SNX24: variants seen among roughly 807,000 people sequenced by gnomAD.
The protein encoded by SNX24 is sorting nexin 24, also known as sorting nexin-24.
A neutral mutation model predicts 28.7 loss-of-function variants in SNX24; 22 were observed. That is an observed-to-expected ratio of 0.77 (90% CI 0.55 to 1.10). SNX24 has a LOEUF of 1.10. Among genes scored for constraint, SNX24 ranks in the 50% least tolerant of loss-of-function variants. The pLI is 0.00. For synonymous variants in SNX24, 69 were observed against 71.5 expected, an observed-to-expected ratio of 0.96 and a Z score of 0.18; for missense variants, 221 against 201.1, an observed-to-expected ratio of 1.10 and a Z score of -0.60.
rs766791836 is a variant in SNX24, at chr5:123,008,868, C to G, written c.*1119C>G. ...TAAAGGATAAAAGCATATATACTAC[C>G]TATATGTATGTGCTGTATGTGGGCA... On this transcript the variant is annotated 3_prime_UTR_variant, in exon 7 of 7. Transcript: ENST00000261369. 7.7e-5 allele frequency: 76 copies of G among 981,270 alleles called. No individual in the cohort carries two copies. Among genetic ancestry groups the G allele is most frequent in the Admixed American group, 1.2e-4 (2 of 16,272 alleles). 60.8% of individuals were successfully genotyped at this position (981,270 alleles called of 1,614,324 possible).
At chr5:122,922,959 C>T (rs1340872867) in intron 1 of SNX24, among the ~76,000 whole-genome samples, 4 of 152,120 alleles carry the variant, frequency 2.6e-5, no homozygotes, top group Non-Finnish European at 5.9e-5. Flanking sequence ...CACATTTTTA[C>T]AGTGCAACTA....
chr5:122,944,909 T>G (rs929942347), intron 2 of SNX24, among the ~76,000 whole-genome samples: 7 of 152,170 alleles, frequency 4.6e-5, no homozygotes, highest in African/African-American at 1.7e-4. Context: ...TTTTTTCAAG[T>G]TTTTAATTAG....
intron 3 of SNX24, among the ~76,000 whole-genome samples, chr5:122,998,870 T>TTCC (rs1256591938): frequency 7.9e-5 from 12 of 152,240 alleles, no homozygotes; most frequent in Non-Finnish European, 1.8e-4. Flanking sequence ...TTACACAGTA[T>TTCC]TCCTGATCAG....
At chr5:122,935,389 C>T (rs564626448) in intron 1 of SNX24, among the ~76,000 whole-genome samples, 5 of 151,698 alleles carry the variant, frequency 3.3e-5, no homozygotes, top group Admixed American at 1.3e-4. Flanking sequence ...TAAAAAAAAT[C>T]TAAGAATATC....
chr5:122,904,121 CT>C (rs1439201021), intron 1 of SNX24, among the ~76,000 whole-genome samples: 1 of 151,796 alleles, frequency 6.6e-6, no homozygotes, highest in South Asian at 2.1e-4. Flanking sequence ...GCAAGAGAAG[CT>C]TGAGAATGAT....
chr5:122,871,157 T>C (rs1040169409), intron 1 of SNX24, among the ~76,000 whole-genome samples: 3 of 152,170 alleles, frequency 2.0e-5, no homozygotes, highest in African/African-American at 7.2e-5. Context: ...CCAGCACATA[T>C]TATTAATAAG....
chr5:122,883,631 G>A (rs1756572353), intron 1 of SNX24, among the ~76,000 whole-genome samples: 1 of 152,010 alleles, frequency 6.6e-6, no homozygotes, highest in Non-Finnish European at 1.5e-5. Context: ...ATTACTCAGG[G>A]TTGTCACATT....
intron 1 of SNX24, among the ~76,000 whole-genome samples, chr5:122,935,538 G>C (rs30046): frequency 0.77 from 117,185 of 152,138 alleles, 46,005 homozygotes; most frequent in East Asian, 0.99. Context: ...TTACCACTTA[G>C]TAAAAAGAGG....
chr5:122,963,128 G>A (rs1419734064), intron 3 of SNX24, among the ~76,000 whole-genome samples: 2 of 152,194 alleles, frequency 1.3e-5, no homozygotes, highest in African/African-American at 4.8e-5. Context: ...CAGCTACTCA[G>A]GAGGCTGAGG....
At chr5:123,001,558 A>G (rs961211271) in intron 5 of SNX24, 121 bp downstream of exon 5, 1 of 745,094 alleles carries the variant, frequency 1.3e-6, no homozygotes, top group African/African-American at 1.8e-5. Flanking sequence ...TGGTTTTAAG[A>G]TTATAAATAT....
intron 1 of SNX24, among the ~76,000 whole-genome samples, chr5:122,885,991 G>A (rs891345468): frequency 1.8e-5 from 1 of 57,106 alleles, no homozygotes; most frequent in Non-Finnish European, 2.7e-5. Context: ...CCGACCTGCT[G>A]TGTGGCTGGT....
At chr5:123,012,728 C>T (rs1361464998), downstream of SNX24, among the ~76,000 whole-genome samples, 3 of 152,196 alleles carry the variant, frequency 2.0e-5, no homozygotes, top group African/African-American at 7.2e-5. Flanking sequence ...TAAGGCTGTA[C>T]TGATCAGGTA....
intron 1 of SNX24, among the ~76,000 whole-genome samples, chr5:122,885,939 G>A (rs1170564580): frequency 3.3e-5 from 5 of 152,100 alleles, no homozygotes; most frequent in Non-Finnish European, 7.3e-5. Flanking sequence ...ACAGTTCACA[G>A]TAGGGTTCAT....
At chr5:122,859,262 G>C (rs981738652) in intron 1 of SNX24, among the ~76,000 whole-genome samples, 1 of 151,572 alleles carries the variant, frequency 6.6e-6, no homozygotes, top group Non-Finnish European at 1.5e-5. Context: ...CTTGAGCCCA[G>C]GAGTTGGAGA....
Position 122,877,529 on chromosome 5 carries a change from G to A in SNX24, c.60+31836G>A, listed in dbSNP as rs565779636. 3.6e-3 allele frequency among the ~76,000 whole-genome samples: 545 copies of A among 152,170 alleles called. 4 individuals are homozygous for A. Among genetic ancestry groups the A allele is most frequent in the African/African-American group, 0.012 (504 of 41,524 alleles). ...GGGCTTTAGAAAACTGTAGTTGGTA[G>A]CTGAAATAAAAAGATAAATAAAAAA... is the stretch of plus-strand genomic sequence containing the variant. On this transcript the variant is annotated intron_variant, in intron 1 of 6. Transcript: ENST00000261369.
downstream of SNX24, among the ~76,000 whole-genome samples, chr5:123,010,307 T>G (rs1471297333): frequency 4.1e-5 from 6 of 145,558 alleles, no homozygotes; most frequent in Admixed American, 4.1e-4. Context: ...TTTTTTTTTT[T>G]GAAGACGGAG....
intron 2 of SNX24, among the ~76,000 whole-genome samples, chr5:122,943,689 C>T (rs1581779735): frequency 6.6e-6 from 1 of 152,160 alleles, no homozygotes; most frequent in Admixed American, 6.5e-5. Context: ...TCACATGACA[C>T]CTTACTTGAA....
At chr5:123,002,093 G>T in intron 6 of SNX24, 89 bp downstream of exon 6, 1 of 1,015,416 alleles carries the variant, frequency 9.8e-7, no homozygotes, top group Non-Finnish European at 1.6e-6. Context: ...CTAACAGAGT[G>T]ACATTGGTCC....
chr5:122,861,375 T>C (rs967863284), intron 1 of SNX24, among the ~76,000 whole-genome samples: 2 of 152,132 alleles, frequency 1.3e-5, no homozygotes, highest in African/African-American at 4.8e-5. Context: ...GACCCAGCCC[T>C]GCGAAGTATT....
Sources: allele counts gnomAD v4.1 joint callset (sites outside exome capture counted in the v4.1 genomes callset), GRCh38; gene constraint gnomAD v4.1.1; transcripts MANE v1.5; gene names NCBI Gene and HGNC (gene_info 2026-07-23, HGNC 2026-07-21).